TSPEAR: variants seen among roughly 807,000 people sequenced by gnomAD.
The protein encoded by TSPEAR is thrombospondin-type laminin G domain and EAR repeat-containing protein.
In TSPEAR, 69 loss-of-function variants were observed where a neutral mutation model predicts 71.6. The ratio of observed to expected loss-of-function variants is 0.96; its 90% CI spans 0.79 to 1.18. TSPEAR has a LOEUF of 1.18. Ranked by LOEUF, TSPEAR falls within the 50% of genes most tolerant of loss-of-function variation. The pLI is 0.00. For synonymous variants in TSPEAR, 402 were observed against 387.2 expected (o/e 1.04, Z -0.45); for missense variants, 971 against 894.9 (o/e 1.09, Z -1.09).
chr21:44,692,460 C>A (rs1253156512), intron 1 of TSPEAR, among the ~76,000 whole-genome samples: 2 of 151,828 alleles, frequency 1.3e-5, no homozygotes, highest in African/African-American at 2.4e-5. Context: ...ATAGAAAATC[C>A]CAAAGAATCC....
intron 7 of TSPEAR, 43 bp from the exon 8 acceptor site, chr21:44,525,882 G>A (rs781841442): frequency 1.7e-5 from 27 of 1,594,350 alleles, no homozygotes; most frequent in South Asian, 3.3e-5. Flanking sequence ...TGCTTGGGTC[G>A]GTGCCAGCGG....
intron 1 of TSPEAR, among the ~76,000 whole-genome samples, chr21:44,647,844 C>T (rs1984533455): frequency 6.6e-6 from 1 of 152,220 alleles, no homozygotes; most frequent in Non-Finnish European, 1.5e-5. Context: ...AAAGCCCTGC[C>T]CACAGGGGAT....
chr21:44,601,908 A>AGG, intron 1 of TSPEAR: 1 of 954,036 alleles, frequency 1.0e-6, no homozygotes, highest in Non-Finnish European at 1.5e-6. Flanking sequence ...CTGTTTCTCC[A>AGG]AGTCTTGACT....
At chr21:44,575,519 T>C (rs1176809012) in intron 1 of TSPEAR, 1 of 164,890 alleles carries the variant, frequency 6.1e-6, no homozygotes, top group Non-Finnish European at 1.3e-5. Flanking sequence ...TAGACGGACA[T>C]GGACGCGGGG....
intron 1 of TSPEAR, among the ~76,000 whole-genome samples, chr21:44,634,393 A>G (rs1983424364): frequency 1.3e-5 from 2 of 152,264 alleles, no homozygotes; most frequent in Non-Finnish European, 2.9e-5. Context: ...AGAAGGAAAC[A>G]TAAGAGTAAA....
chr21:44,631,654 A>G (rs1388560223), intron 1 of TSPEAR, among the ~76,000 whole-genome samples: 1 of 152,210 alleles, frequency 6.6e-6, no homozygotes, highest in Non-Finnish European at 1.5e-5. Context: ...TGAACCTGGG[A>G]AGCGGAGGTT....
chr21:44,517,532 A>T (rs1188703434), intron 9 of TSPEAR: 1 of 339,532 alleles, frequency 2.9e-6, no homozygotes, highest in East Asian at 8.0e-5. Flanking sequence ...ACGTGAGTAC[A>T]GGTCCAGCTA....
intron 1 of TSPEAR, among the ~76,000 whole-genome samples, chr21:44,590,471 G>T (rs587663328): frequency 3.9e-5 from 6 of 152,154 alleles, no homozygotes; most frequent in Admixed American, 2.6e-4. Context: ...CCGCAGGCTT[G>T]GTTAGTGGGT....
intron 1 of TSPEAR, among the ~76,000 whole-genome samples, chr21:44,624,070 G>A (rs948170534): frequency 6.6e-6 from 1 of 152,144 alleles, no homozygotes; most frequent in Admixed American, 6.5e-5. Context: ...ATAAGGGCAT[G>A]CTTACTACTC....
intron 5 of TSPEAR, among the ~76,000 whole-genome samples, chr21:44,529,125 G>C (rs1555915372): frequency 6.6e-6 from 1 of 152,234 alleles, no homozygotes; most frequent in East Asian, 1.9e-4. Context: ...TGTGTTGGAG[G>C]TGGGGGCTCC....
chr21:44,531,739 G>A (rs1340376962), intron 3 of TSPEAR, among the ~76,000 whole-genome samples: 2 of 152,142 alleles, frequency 1.3e-5, no homozygotes, highest in African/African-American at 4.8e-5. Flanking sequence ...ACCATCACCC[G>A]GCCTGGGGTG....
At chr21:44,627,417 G>A in intron 1 of TSPEAR, 1 of 1,613,782 alleles carries the variant, frequency 6.2e-7, no homozygotes, top group Non-Finnish European at 8.5e-7. Flanking sequence ...GCTGCCAGCA[G>A]TCTAGCTGCC....
chr21:44,580,422 G>A, intron 1 of TSPEAR: 1 of 1,613,020 alleles, frequency 6.2e-7, no homozygotes, highest in Non-Finnish European at 8.5e-7. Flanking sequence ...CAGGCCGCCT[G>A]GCAGCAGGGG....
intron 1 of TSPEAR, chr21:44,658,450 G>A (rs1889937846): frequency 3.2e-6 from 2 of 628,886 alleles, no homozygotes; most frequent in South Asian, 2.0e-5. Context: ...ACCCCCTCAA[G>A]GAAGTCTTGG....
chr21:44,704,321 G>C (rs1987803616), intron 1 of TSPEAR, among the ~76,000 whole-genome samples: 1 of 151,786 alleles, frequency 6.6e-6, no homozygotes, highest in Non-Finnish European at 1.5e-5. Flanking sequence ...CACTTCCCTG[G>C]CTGTTGGGGC....
At chr21:44,550,468 T>C (rs1555918382) in intron 2 of TSPEAR, 3 of 730,336 alleles carry the variant, frequency 4.1e-6, no homozygotes, top group Non-Finnish European at 4.5e-6. Flanking sequence ...CAGCGGAGGG[T>C]TGTGGTCTGC....
intron 1 of TSPEAR, among the ~76,000 whole-genome samples, chr21:44,678,563 T>C (rs1986433445): frequency 1.3e-5 from 2 of 152,212 alleles, no homozygotes; most frequent in Admixed American, 1.3e-4. Flanking sequence ...CTCAGGTATC[T>C]TTATAGCAAT....
intron 11 of TSPEAR, among the ~76,000 whole-genome samples, chr21:44,504,013 G>C (rs1354911286): frequency 6.8e-6 from 1 of 147,360 alleles, no homozygotes; most frequent in African/African-American, 2.5e-5. Flanking sequence ...AGCCGGCCTC[G>C]GTGAGCCCTC....
chr21:44,630,279 T>G (rs960898355), intron 1 of TSPEAR, among the ~76,000 whole-genome samples: 9 of 152,104 alleles, frequency 5.9e-5, no homozygotes, highest in Non-Finnish European at 1.3e-4. Context: ...CCTGAAGGAC[T>G]AACACACAGG....
Sources: gnomAD v4.1 joint callset for allele counts (sites outside exome capture counted in the v4.1 genomes callset) on GRCh38, gnomAD v4.1.1 for gene constraint, MANE v1.5 for transcripts, NCBI Gene and HGNC (gene_info 2026-07-23, HGNC 2026-07-21) for gene names.